CACNA2D3: variants seen among roughly 807,000 people sequenced by gnomAD.
CACNA2D3 encodes voltage-dependent calcium channel subunit alpha-2/delta-3.
CACNA2D3 carries 60 observed loss-of-function variants against 160.6 expected under a neutral mutation model. The observed-to-expected ratio is 0.37, with a 90% confidence interval of 0.30 to 0.46. The LOEUF is 0.46. CACNA2D3 is among the 20% of genes least tolerant of loss of function. The probability of loss-of-function intolerance (pLI) is 1.00; values close to 1 mark genes in which losing one functional copy is unlikely to be tolerated. For synonymous variants in CACNA2D3, 558 were observed against 492.9 expected, an observed-to-expected ratio of 1.13 and a Z score of -1.75; for missense variants, 1,205 against 1,365.0, an observed-to-expected ratio of 0.88 and a Z score of 1.85.
intron 3 of CACNA2D3, among the ~76,000 whole-genome samples, chr3:54,322,108 G>C (rs756967711): frequency 6.6e-6 from 1 of 152,212 alleles, no homozygotes; most frequent in African/African-American, 2.4e-5. Context: ...CATTGGGAGT[G>C]GAAGGAGGAG....
chr3:54,156,502 A>G (rs1036026270), intron 2 of CACNA2D3, among the ~76,000 whole-genome samples: 3 of 152,120 alleles, frequency 2.0e-5, no homozygotes, highest in African/African-American at 4.8e-5. Context: ...CGTAGTGCCT[A>G]TTGGTCAGTC....
chr3:54,929,292 A>T (rs913181500), intron 27 of CACNA2D3, among the ~76,000 whole-genome samples: 3 of 152,186 alleles, frequency 2.0e-5, no homozygotes, highest in African/African-American at 7.2e-5. Context: ...TGTCTTCATA[A>T]GTGTTCACAA....
intron 21 of CACNA2D3, among the ~76,000 whole-genome samples, chr3:54,883,823 C>CTCTCTCTCTCTCTCTCTCTCTCTCTCTCT (rs60132112): frequency 5.6e-5 from 5 of 88,970 alleles, no homozygotes; most frequent in African/African-American, 1.8e-4. Flanking sequence ...CTCTCTCTCT[C>CTCTCTCTCTCTCTCTCTCTCTCTCTCTCT]CTCTCTCTCC....
intron 2 of CACNA2D3, among the ~76,000 whole-genome samples, chr3:54,226,978 A>G (rs1348109891): frequency 6.6e-6 from 1 of 152,206 alleles, no homozygotes; most frequent in Non-Finnish European, 1.5e-5. Flanking sequence ...AGCAAAATTC[A>G]GGGATAGCTT....
chr3:54,714,656 G>A (rs1304596361), intron 11 of CACNA2D3, among the ~76,000 whole-genome samples: 1 of 152,138 alleles, frequency 6.6e-6, no homozygotes, highest in African/African-American at 2.4e-5. Flanking sequence ...TACAATCATA[G>A]ACTATTTCCT....
In CACNA2D3 at chr3:54,312,228, A is replaced by G. The variant is rs192784794; in HGVS notation, c.205-8214A>G. 1.7e-3 allele frequency among the ~76,000 whole-genome samples: 262 copies of G among 152,288 alleles called. 1 individual carries two copies. In the Middle Eastern group the frequency reaches 0.024, roughly 14 times the overall value. On this transcript the variant is annotated intron_variant, in intron 2 of 37. Coordinates refer to ENST00000474759, the MANE Select transcript of CACNA2D3 (RefSeq NM_018398.3). ...GTCCTTGCTGTGCCATCTCCCCGCCAGGGCCTTCTGTTAATCCTCATGCAG... is the reference window on the plus strand; with the variant it reads ...GTCCTTGCTGTGCCATCTCCCCGCCGGGGCCTTCTGTTAATCCTCATGCAG...
chr3:54,295,205 G>A (rs1703313085), intron 2 of CACNA2D3, among the ~76,000 whole-genome samples: 1 of 152,148 alleles, frequency 6.6e-6, no homozygotes. Context: ...GAGGTGGTGA[G>A]GTGTGCTTTT....
chr3:54,955,861 T>A (rs1701876704), intron 27 of CACNA2D3, among the ~76,000 whole-genome samples: 1 of 152,160 alleles, frequency 6.6e-6, no homozygotes, highest in African/African-American at 2.4e-5. Context: ...TCACGAAACC[T>A]GGTGAGAGTC....
intron 35 of CACNA2D3, among the ~76,000 whole-genome samples, chr3:55,039,426 C>A (rs1270409810): frequency 1.3e-5 from 2 of 152,178 alleles, no homozygotes; most frequent in Non-Finnish European, 2.9e-5. Flanking sequence ...GAAATGTTTT[C>A]TGTGGTAGTG....
intron 2 of CACNA2D3, among the ~76,000 whole-genome samples, chr3:54,194,434 A>G (rs1701037381): frequency 6.6e-6 from 1 of 152,158 alleles, no homozygotes; most frequent in Non-Finnish European, 1.5e-5. Flanking sequence ...ATAATGGCCA[A>G]AGTCAGAAAC....
At chr3:54,834,989 C>T (rs1698642323) in intron 14 of CACNA2D3, among the ~76,000 whole-genome samples, 1 of 152,210 alleles carries the variant, frequency 6.6e-6, no homozygotes, top group South Asian at 2.1e-4. Flanking sequence ...TGCTTTACTA[C>T]TGATTAAAAT....
chr3:54,810,320 G>A (rs910409101), intron 13 of CACNA2D3, among the ~76,000 whole-genome samples: 1 of 152,194 alleles, frequency 6.6e-6, no homozygotes, highest in Non-Finnish European at 1.5e-5. Context: ...GGCATGGTGT[G>A]GGGTGGCAGA....
At chr3:54,266,783 C>A (rs1157724943) in intron 2 of CACNA2D3, among the ~76,000 whole-genome samples, 1 of 152,208 alleles carries the variant, frequency 6.6e-6, no homozygotes, top group East Asian at 1.9e-4. Context: ...CTCTTGGTTA[C>A]TAGAGACTGG....
At chr3:54,728,005 G>A (rs1701310372) in intron 11 of CACNA2D3, among the ~76,000 whole-genome samples, 1 of 151,918 alleles carries the variant, frequency 6.6e-6, no homozygotes, top group African/African-American at 2.4e-5. Context: ...TTTTTCTTTA[G>A]CTGACTTTAA....
Position 54,212,530 on chromosome 3 carries a change from G to T in CACNA2D3, c.204+88936G>T, listed in dbSNP as rs115586327. On this transcript the variant is annotated intron_variant, in intron 2 of 37. Coordinates refer to ENST00000474759, the MANE Select transcript of CACNA2D3 (RefSeq NM_018398.3). ...TGAAGCCTCTAAGTAGCAGGCGTCA[G>T]AGAGAATAGATTGTAAATGTTTCTT... 8.1e-3 allele frequency among the ~76,000 whole-genome samples: 1,238 copies of T among 152,284 alleles called. 17 individuals are homozygous for T. Among genetic ancestry groups the T allele is most frequent in the African/African-American group, 0.027 (1,124 of 41,536 alleles).
rs868658822 is a variant in CACNA2D3, at chr3:54,122,633, G to A, written c.-81G>A. On this transcript the variant is annotated 5_prime_UTR_variant, in exon 1 of 38. Transcript: ENST00000474759. ...CGGAGCGGAGCAGGCAGCCCCGCGC[G>A]CTCGCCCACCGCCCGCTCCGCGCAG... 67 of 931,948 alleles carry A rather than the reference G, an allele frequency of 7.2e-5. 1 individual carries two copies. The African/African-American group carries it at 1.1e-3, about 16-fold the overall frequency. The allele number at this position is 931,948 out of a possible 1,614,324, so 57.7% of individuals were successfully genotyped here. A position where few individuals can be genotyped will look rare whatever the true frequency, so the allele number is the denominator to read the frequency against.
chr3:55,022,828 C>G (rs1263722791), intron 35 of CACNA2D3, among the ~76,000 whole-genome samples: 1 of 151,638 alleles, frequency 6.6e-6, no homozygotes, highest in Non-Finnish European at 1.5e-5. Context: ...CAAACAAAAA[C>G]TTACATTTTG....
chr3:54,945,604 A>G (rs559210063), intron 27 of CACNA2D3, among the ~76,000 whole-genome samples: 1 of 152,294 alleles, frequency 6.6e-6, no homozygotes, highest in Admixed American at 6.5e-5. Flanking sequence ...AAGTTCTTCA[A>G]ACTTTAGTGT....
intron 35 of CACNA2D3, among the ~76,000 whole-genome samples, chr3:55,044,390 A>G (rs2107195498): frequency 6.6e-6 from 1 of 152,298 alleles, no homozygotes; most frequent in Admixed American, 6.5e-5. Flanking sequence ...CATTTCAATT[A>G]CGAACTGTTC....
Sources: gnomAD v4.1 joint callset for allele counts (sites outside exome capture counted in the v4.1 genomes callset) on GRCh38, gnomAD v4.1.1 for gene constraint, MANE v1.5 for transcripts, NCBI Gene and HGNC (gene_info 2026-07-23, HGNC 2026-07-21) for gene names.